The following GOLGA3 variants were observed in gnomAD, a reference collection of about 807,000 sequenced individuals.
GOLGA3 encodes the protein golgin subfamily A member 3.
A neutral mutation model predicts 169.4 loss-of-function variants in GOLGA3; 75 were observed. That is an observed-to-expected ratio of 0.44 (90% CI 0.37 to 0.54). The LOEUF (loss-of-function observed/expected upper bound fraction) is 0.54. Ranked by LOEUF, GOLGA3 falls within the 20% of genes least tolerant of loss-of-function variation. The pLI is 0.00. For synonymous variants in GOLGA3, 824 were observed against 822.4 expected (o/e 1.00, Z -0.03); for missense variants, 1,899 against 1,930.0 (o/e 0.98, Z 0.30).
At chr12:132,812,769 G>A (rs1949780446) in intron 4 of GOLGA3, among the ~76,000 whole-genome samples, 2 of 152,216 alleles carry the variant, frequency 1.3e-5, no homozygotes, top group South Asian at 4.1e-4. Context: ...TCTTTTCTAA[G>A]ATATGGTAAA....
intron 13 of GOLGA3, 141 bp downstream of exon 13, chr12:132,788,886 G>T: frequency 2.5e-6 from 2 of 799,436 alleles, no homozygotes; most frequent in Non-Finnish European, 1.9e-6. Flanking sequence ...CTCCCACCTT[G>T]GCCCCACCCC....
Position 132,804,796 on chromosome 12 carries a change from T to C in GOLGA3, c.1517A>G (p.Gln506Arg), listed in dbSNP as rs773313903. ...CCTCTGGTACTGCTCCTCGGCCACC[T>C]GCAAGTCGTTGTTGGACGACGCCAG... Reference protein sequence around the residue: ...ASLASSNNDLQVAEEQYQRLM... With the variant: ...ASLASSNNDLRVAEEQYQRLM... The change falls in exon 7 of 24, where the codon CAG becomes CGG. Residue 506 changes from glutamine (Q) to arginine (R), a missense_variant. By Grantham distance (43) the Gln-to-Arg change is conservative. Coordinates refer to ENST00000450791, the MANE Select transcript of GOLGA3 (RefSeq NM_001389683.1). The surrounding 1 kb of genome is among the most constrained non-coding windows in gnomAD (Gnocchi z 4.1). 2.0e-5 allele frequency: 33 copies of C among 1,614,126 alleles called. 1 individual carries two copies. Among genetic ancestry groups the C allele is most frequent in the South Asian group, 1.4e-4 (13 of 91,092 alleles).
intron 8 of GOLGA3, 94 bp downstream of exon 8, chr12:132,801,673 T>A: frequency 1.3e-5 from 16 of 1,222,550 alleles, no homozygotes; most frequent in Admixed American, 9.3e-5. Flanking sequence ...AACATGCCTG[T>A]GAACTCTAAA....
In GOLGA3 at chr12:132,795,873, T is replaced by C; in HGVS notation, c.2448A>G (p.Glu816=). ...TSETLEKLRE[E]LAIKSGQVEH... ...TTACCTGGCCGGATTTGATAGCTAA[T>C]TCTTCTCTTAACTTCTCTAAAGTTT... The change falls in exon 11 of 24, where the codon GAA becomes GAG. Residue 816 remains glutamate (E), a synonymous_variant. Transcript: ENST00000450791. 1.9e-6 allele frequency: 3 copies of C among 1,613,140 alleles called. No individual in the cohort carries two copies. The highest frequency in any genetic ancestry group is 2.5e-6 in the Non-Finnish European group (3 of 1,179,124).
chr12:132,780,049 G>A (rs1311997047), intron 18 of GOLGA3, among the ~76,000 whole-genome samples: 8 of 112,642 alleles, frequency 7.1e-5, no homozygotes, highest in Non-Finnish European at 8.8e-5. Context: ...ACACCCCCCC[G>A]CGCACATACA....
chr12:132,788,943 C>CGCCCCAGACACAGGCCCT, intron 13 of GOLGA3, 84 bp downstream of exon 13: 5 of 1,177,954 alleles, frequency 4.2e-6, no homozygotes, highest in Non-Finnish European at 3.5e-6. Context: ...ACACAGGCCC[C>CGCCCCAGACACAGGCCCT]GCCCCAGACA....
rs1949301897 is a variant in GOLGA3, at chr12:132,804,660, G to A, written c.1597+56C>T. 2.8e-6 allele frequency: 4 copies of A among 1,421,592 alleles called. No homozygotes were observed. Among genetic ancestry groups the A allele is most frequent in the African/African-American group, 2.8e-5 (2 of 71,506 alleles). The allele number at this position is 1,421,592 out of a possible 1,614,324, so 88.1% of individuals were successfully genotyped here. A position where few individuals can be genotyped will look rare whatever the true frequency, so the allele number is the denominator to read the frequency against. On this transcript the variant is annotated intron_variant, in intron 7 of 23. Transcript: ENST00000450791. This position sits in a 1 kb window ranked among gnomAD's most constrained non-coding sequence, Gnocchi z 4.1. The stretch of plus-strand genomic sequence containing the variant: ...TGGCGGGGGCCAGTCGAGGAAGGAG[G>A]AGGGAGCAGCAGGGACCAGTCAGGG...
In GOLGA3 at chr12:132,784,145, G is replaced by A; in HGVS notation, c.3267+19C>T. ...TGACCTGCCCCACGCTGCCGCCACA[G>A]CAGATGGCCAGGCCTCACCTCGTCC... On this transcript the variant is annotated intron_variant, in intron 16 of 23. Coordinates refer to ENST00000450791, the MANE Select transcript of GOLGA3 (RefSeq NM_001389683.1). The A allele has an allele frequency of 6.2e-7, 1 of 1,604,610 alleles. No individual in the cohort carries two copies. The highest frequency in any genetic ancestry group is 8.5e-7 in the Non-Finnish European group (1 of 1,179,838).
In GOLGA3 at chr12:132,788,985, C is replaced by G. The variant is rs201939596; in HGVS notation, c.2811+42G>C. ...CCACCCTCCCGACAAGCACTTTGGC[C>G]GAATCCTCCCCATCAAATGAGTCAA... On this transcript the variant is annotated intron_variant, in intron 13 of 23. Coordinates refer to ENST00000450791, the MANE Select transcript of GOLGA3 (RefSeq NM_001389683.1). 2.7e-6 allele frequency: 4 copies of G among 1,494,962 alleles called. No individual in the cohort carries two copies. The South Asian group carries it at 3.9e-5, about 15-fold the overall frequency. 92.6% of individuals were successfully genotyped at this position (1,494,962 alleles called of 1,614,324 possible). A position where few individuals can be genotyped will look rare whatever the true frequency, so the allele number is the denominator to read the frequency against.
At chr12:132,798,579 C>A in intron 8 of GOLGA3, 102 bp from the exon 9 acceptor site, 1 of 1,005,894 alleles carries the variant, frequency 9.9e-7, no homozygotes. Context: ...ACTGGCTGCC[C>A]CCTCAGTGTC....
Position 132,770,567 on chromosome 12 carries a change from G to T in GOLGA3, c.*2538C>A, listed in dbSNP as rs2044855650. 1 of 136,496 alleles carries T rather than the reference G, an allele frequency of 7.3e-6. No homozygotes were observed. Among genetic ancestry groups the T allele is most frequent in the East Asian group, 2.6e-4 (1 of 3,882 alleles). 8.5% of individuals were successfully genotyped at this position (136,496 alleles called of 1,614,324 possible). A position where few individuals can be genotyped will look rare whatever the true frequency, so the allele number is the denominator to read the frequency against. ...ACATGGTGAACATCACTCACTTGAG[G>T]ACTTCCCATAAGCAAGGAGAAGTCG... is the stretch of plus-strand genomic sequence containing the variant. On this transcript the variant is annotated 3_prime_UTR_variant, in exon 24 of 24. Coordinates refer to ENST00000450791, the MANE Select transcript of GOLGA3 (RefSeq NM_001389683.1).
At chr12:132,787,543 C>T (rs2045963185) in intron 13 of GOLGA3, among the ~76,000 whole-genome samples, 2 of 144,318 alleles carry the variant, frequency 1.4e-5, no homozygotes, top group Admixed American at 1.4e-4. Context: ...CAGACCCCTC[C>T]CCCAGAGCCC....
chr12:132,796,441 C>A (rs1948842500), intron 10 of GOLGA3, 98 bp downstream of exon 10: 6 of 1,378,588 alleles, frequency 4.4e-6, no homozygotes, highest in Non-Finnish European at 5.9e-6. Context: ...GCGGACGTGG[C>A]CCCACAGCAG....
Position 132,777,401 on chromosome 12 carries a change from C to T in GOLGA3, c.3722+265G>A, listed in dbSNP as rs1234109688. ...ACCCACAGAGCCACAGCATCAGCCCCGCGCCGGGCCGCCCCTTCCCGCCTC... is the reference window on the plus strand; with the variant it reads ...ACCCACAGAGCCACAGCATCAGCCCTGCGCCGGGCCGCCCCTTCCCGCCTC... On this transcript the variant is annotated intron_variant, in intron 19 of 23. Coordinates refer to ENST00000450791, the MANE Select transcript of GOLGA3 (RefSeq NM_001389683.1). The surrounding 1 kb of genome is among the most constrained non-coding windows in gnomAD (Gnocchi z 4.7). Among the ~76,000 whole-genome samples, 6 of 152,188 alleles carry T rather than the reference C, an allele frequency of 3.9e-5. No individual in the cohort carries two copies. The South Asian group carries it at 6.2e-4, about 16-fold the overall frequency.
Position 132,828,868 on chromosome 12 carries a change from A to AG in GOLGA3, c.-250dup, listed in dbSNP as rs1238296480. On this transcript the variant is annotated 5_prime_UTR_variant, in exon 1 of 24. Coordinates refer to ENST00000450791, the MANE Select transcript of GOLGA3 (RefSeq NM_001389683.1). ...GCTCCGGCGGAGACGTGGCCGTGAG[A>AG]GGGGCGGGGCGAGCGGTGCATCGGC... 4.6e-5 allele frequency: 7 copies of AG among 152,194 alleles called. No individual in the cohort carries two copies. Among genetic ancestry groups the AG allele is most frequent in the Non-Finnish European group, 8.8e-5 (6 of 68,042 alleles). The allele number at this position is 152,194 out of a possible 1,614,324, so 9.4% of individuals were successfully genotyped here.
rs753306059 is a variant in GOLGA3 at position 132,771,561 on chromosome 12, GAGACACCT to G, written c.*1536_*1543del. On this transcript the variant is annotated 3_prime_UTR_variant, in exon 24 of 24. Coordinates refer to ENST00000450791, the MANE Select transcript of GOLGA3 (RefSeq NM_001389683.1). ...GATTTTAAATAAGGCATCTGTCTCT[GAGACACCT>G]GGGAGAGCACAGCCACCTTCCTCAC... The G allele has an allele frequency of 6.6e-6, 1 of 152,166 alleles. No homozygotes were observed. The highest frequency in any genetic ancestry group is 1.5e-5 in the Non-Finnish European group (1 of 68,044). 9.4% of individuals were successfully genotyped at this position (152,166 alleles called of 1,614,324 possible). A position where few individuals can be genotyped will look rare whatever the true frequency, so the allele number is the denominator to read the frequency against.
chr12:132,781,711 G>A (rs1361903593), intron 17 of GOLGA3, among the ~76,000 whole-genome samples: 1 of 152,148 alleles, frequency 6.6e-6, no homozygotes, highest in Non-Finnish European at 1.5e-5. Flanking sequence ...AGCTCGATTT[G>A]GCCCCCAGGA....
intron 3 of GOLGA3, 118 bp downstream of exon 3, chr12:132,816,422 G>A: frequency 9.8e-7 from 1 of 1,018,410 alleles, no homozygotes; most frequent in Non-Finnish European, 1.5e-6. Flanking sequence ...GACTCAGATG[G>A]CACACGGCAG....
chr12:132,822,941 C>T (rs1950277238), intron 1 of GOLGA3, among the ~76,000 whole-genome samples: 1 of 152,194 alleles, frequency 6.6e-6, no homozygotes, highest in Non-Finnish European at 1.5e-5. Context: ...TTAAAAATTA[C>T]AATACCAGAC....
Sources: gnomAD v4.1 joint callset for allele counts (sites outside exome capture counted in the v4.1 genomes callset) on GRCh38, gnomAD v4.1.1 for gene constraint, Gnocchi (gnomAD v3.1) non-coding constraint, MANE v1.5 for transcripts, NCBI Gene and HGNC (gene_info 2026-07-23, HGNC 2026-07-21) for gene names.